Variants in THBS1 observed in about 807,000 individuals in gnomAD.
The protein encoded by THBS1 is thrombospondin-1.
THBS1 carries 29 observed loss-of-function variants against 126.1 expected under a neutral mutation model. The ratio of observed to expected loss-of-function variants is 0.23; its 90% confidence interval spans 0.17 to 0.31. THBS1 has a LOEUF of 0.31. THBS1 is among the 10% of genes least tolerant of loss of function. THBS1 has a pLI of 1.00. For missense variants in THBS1, 1,198 were observed against 1,545.2 expected, an observed-to-expected ratio of 0.78 and a Z score of 3.77; for synonymous variants, 496 against 577.8, an observed-to-expected ratio of 0.86 and a Z score of 2.03.
In THBS1 at chr15:39,589,461, G is replaced by A. The variant is rs1890284180; in HGVS notation, c.1926+107G>A. On this transcript the variant is annotated intron_variant, in intron 12 of 21. Transcript: ENST00000260356. This position sits in a 1 kb window ranked among gnomAD's most constrained non-coding sequence, Gnocchi z 4.7. ...TCATACCCTTCACCAAAAAAAAAAGGGCGAGGAGATGAATGTACGGTCTAG... is the reference window on the plus strand; with the variant it reads ...TCATACCCTTCACCAAAAAAAAAAGAGCGAGGAGATGAATGTACGGTCTAG... 7 of 1,389,782 alleles carry A rather than the reference G, an allele frequency of 5.0e-6. No individual in the cohort carries two copies. The highest frequency in any genetic ancestry group is 1.9e-6 in the Non-Finnish European group (2 of 1,034,272). The allele number at this position is 1,389,782 out of a possible 1,614,324, so 86.1% of individuals were successfully genotyped here.
At position 39,581,877 on chromosome 15, in the gene THBS1, T is replaced by C; in HGVS notation, c.20T>C (p.Leu7Pro). ...TCCACCATGGGGCTGGCCTGGGGACTAGGCGTCCTGTTCCTGATGCATGTG... is the reference window on the plus strand; with the variant it reads ...TCCACCATGGGGCTGGCCTGGGGACCAGGCGTCCTGTTCCTGATGCATGTG... MGLAWG[L>P]GVLFLMHVCG... is the part of the protein sequence containing the mutation. The change falls in exon 2 of 22, where the codon CTA becomes CCA. Residue 7 changes from leucine (L) to proline (P), a missense_variant. By Grantham distance (98) the Leu-to-Pro change is moderately conservative (BLOSUM62 -3). Transcript: ENST00000260356. 2 of 1,614,104 alleles carry C rather than the reference T, an allele frequency of 1.2e-6. No individual in the cohort carries two copies. Among genetic ancestry groups the C allele is most frequent in the Non-Finnish European group, 1.7e-6 (2 of 1,179,992 alleles).
Position 39,594,459 on chromosome 15 carries a change from T to C in THBS1, c.3505+19T>C. 2.5e-6 allele frequency: 4 copies of C among 1,612,804 alleles called. No individual in the cohort carries two copies. Among genetic ancestry groups the C allele is most frequent in the African/African-American group, 1.3e-5 (1 of 75,036 alleles). On this transcript the variant is annotated intron_variant, in intron 21 of 21. Coordinates refer to ENST00000260356, the MANE Select transcript of THBS1 (RefSeq NM_003246.4). This position sits in a 1 kb window ranked among gnomAD's most constrained non-coding sequence, Gnocchi z 4.4. ...TGTAGAGGTAAGAGCAACATCACCA[T>C]GAATGTACACTGGACATCTCTATTT...
chr15:39,597,217 T>C lies in THBS1; in HGVS notation c.*1848T>C, dbSNP rs1288615574. The C allele has an allele frequency of 1.3e-5, 2 of 151,854 alleles. No individual in the cohort carries two copies. The highest frequency in any genetic ancestry group is 3.8e-4 in the East Asian group (2 of 5,200). 9.4% of individuals were successfully genotyped at this position (151,854 alleles called of 1,614,324 possible). ...ATACTGCCTGTAGAGTTAGTATTTC[T>C]ATTTTTATATAATGTTTGCACACTG... On this transcript the variant is annotated 3_prime_UTR_variant, in exon 22 of 22. Coordinates refer to ENST00000260356, the MANE Select transcript of THBS1 (RefSeq NM_003246.4).
At chr15:39,587,897 G>A (rs1890239332) in intron 8 of THBS1, 145 bp from the exon 9 acceptor site, 3 of 744,398 alleles carry the variant, frequency 4.0e-6, no homozygotes, top group Admixed American at 5.9e-5. Flanking sequence ...ATTTGGGCAT[G>A]TGGCCAGGAG....
rs1890534540 is a variant in THBS1, at chr15:39,598,672, G to C, written c.*3303G>C. On this transcript the variant is annotated 3_prime_UTR_variant, in exon 22 of 22. Transcript: ENST00000260356. ...ATAATCAGGTTGTACTGAAATAAAG[G>C]ACTTGTTAAAAATTAAAATTATGTC... 6.6e-6 allele frequency: 1 copy of C among 152,122 alleles called. No homozygotes were observed. Among genetic ancestry groups the C allele is most frequent in the East Asian group, 1.9e-4 (1 of 5,196 alleles). 9.4% of individuals were successfully genotyped at this position (152,122 alleles called of 1,614,324 possible).
chr15:39,582,151 C>G (rs1414704610), intron 2 of THBS1, 42 bp from the exon 3 acceptor site: 4 of 1,547,304 alleles, frequency 2.6e-6, no homozygotes, highest in Non-Finnish European at 3.5e-6. Flanking sequence ...ACTGCTGGTC[C>G]CAGCCTAGAA....
rs778612797 is a variant in THBS1, at chr15:39,593,191, G to A, written c.2959G>A (p.Val987Ile). Residue 987 changes from valine (V) to isoleucine (I), a missense_variant, in exon 18 of 22, where the codon GTC becomes ATC. This residue lies in a region of THBS1 where 255 missense variants were observed against 373.9 expected (regional missense o/e 0.68). Coordinates refer to ENST00000260356, the MANE Select transcript of THBS1 (RefSeq NM_003246.4). This position sits in a 1 kb window ranked among gnomAD's most constrained non-coding sequence, Gnocchi z 5.9. ...WVVRHQGKEL[V>I]QTVNCDPGLA... ...TGTACGCCATCAGGGTAAAGAACTCGTCCAGACTGTCAACTGTGATCCTGG... is the reference window on the plus strand; with the variant it reads ...TGTACGCCATCAGGGTAAAGAACTCATCCAGACTGTCAACTGTGATCCTGG... 55 of 1,613,662 alleles carry A rather than the reference G, an allele frequency of 3.4e-5. No individual in the cohort carries two copies. The highest frequency in any genetic ancestry group is 1.6e-4 in the East Asian group (7 of 44,874).
chr15:39,582,982 C>T lies in THBS1; in HGVS notation c.627+230C>T, dbSNP rs143501591. Among the ~76,000 whole-genome samples, 52 of 152,278 alleles carry T rather than the reference C, an allele frequency of 3.4e-4. No individual in the cohort carries two copies. The East Asian group carries it at 8.1e-3, about 24-fold the overall frequency. ...AACAAGTACCAGGTGATGCTGATGC[C>T]GGTGGTCTGGGAAGCACACTTTGAA... On this transcript the variant is annotated intron_variant, in intron 3 of 21. Transcript: ENST00000260356.
rs759892769 is a variant in THBS1 at position 39,594,305 on chromosome 15, G to C, written c.3370G>C (p.Val1124Leu). 5.6e-6 allele frequency: 9 copies of C among 1,614,042 alleles called. No homozygotes were observed. Among genetic ancestry groups the C allele is most frequent in the Non-Finnish European group, 7.6e-6 (9 of 1,180,034 alleles). Residue 1124 changes from valine (V) to leucine (L), a missense_variant, in exon 21 of 22, where the codon GTG (valine) becomes CTG (leucine). Transcript: ENST00000260356. This position sits in a 1 kb window ranked among gnomAD's most constrained non-coding sequence, Gnocchi z 4.4. ...HRPKTGFIRV[V>L]MYEGKKIMAD... ...CAAGATTTTTTTTCCCTGCAGAGTG[G>C]TGATGTATGAAGGGAAGAAAATCAT... is the stretch of plus-strand genomic sequence containing the variant.
At chr15:39,590,685 G>A in intron 14 of THBS1, 62 bp downstream of exon 14, 1 of 1,387,012 alleles carries the variant, frequency 7.2e-7, no homozygotes, top group Non-Finnish European at 1.0e-6. Flanking sequence ...GAAACACTTT[G>A]GGATTCAAGG....
Position 39,597,797 on chromosome 15 carries a change from A to G in THBS1, c.*2428A>G, listed in dbSNP as rs1471975966. The G allele has an allele frequency of 3.9e-5, 6 of 152,232 alleles. No homozygotes were observed. The highest frequency in any genetic ancestry group is 8.8e-5 in the Non-Finnish European group (6 of 68,040). 9.4% of individuals were successfully genotyped at this position (152,232 alleles called of 1,614,324 possible). A position where few individuals can be genotyped will look rare whatever the true frequency, so the allele number is the denominator to read the frequency against. ...TGTCATTGAATCCTTTTCAAAGTGC[A>G]GTATGAAAACAAAGGGAAAAACACT... On this transcript the variant is annotated 3_prime_UTR_variant, in exon 22 of 22. Transcript: ENST00000260356.
In THBS1 at chr15:39,592,701, G is replaced by A; in HGVS notation, c.2666G>A (p.Gly889Asp). ...NANQADHDKD[G>D]KGDACDHDDD... The stretch of plus-strand genomic sequence containing the variant: ...AACCAGGCTGACCATGACAAAGATG[G>A]CAAGGGAGATGCCTGTGACCACGAT... The change falls in exon 17 of 22, where the codon GGC (glycine) becomes GAC (aspartate). Residue 889 changes from glycine to aspartate, a missense_variant. Physicochemically the swap from Gly to Asp is moderately conservative, Grantham distance 94 (BLOSUM62 -1). This residue lies in a region of THBS1 where 255 missense variants were observed against 373.9 expected (regional missense o/e 0.68). Coordinates refer to ENST00000260356, the MANE Select transcript of THBS1 (RefSeq NM_003246.4). The surrounding 1 kb of genome is among the most constrained non-coding windows in gnomAD (Gnocchi z 4.3). 6.2e-7 allele frequency: 1 copy of A among 1,614,192 alleles called. No homozygotes were observed. Among genetic ancestry groups the A allele is most frequent in the African/African-American group, 1.3e-5 (1 of 75,040 alleles).
Position 39,590,526 on chromosome 15 carries a change from C to A in THBS1, c.2156C>A (p.Pro719His), listed in dbSNP as rs564549403. ...TCTTCTCTTTCCTAGGATAATTGCC[C>A]CAACCTTCCCAACTCAGGGCAGGAA... ...ATYHCKKDNC[P>H]NLPNSGQEDY... is the part of the protein sequence containing the mutation. Residue 719 changes from proline to histidine, a missense_variant, in exon 14 of 22, where the codon CCC becomes CAC. By Grantham distance (77) the Pro-to-His change is moderately conservative. This residue lies in a region of THBS1 where 663 missense variants were observed against 860.1 expected (regional missense o/e 0.77). Transcript: ENST00000260356. 1 of 1,613,164 alleles carries A rather than the reference C, an allele frequency of 6.2e-7. No homozygotes were observed. Among genetic ancestry groups the A allele is most frequent in the African/African-American group, 1.3e-5 (1 of 74,982 alleles).
At chr15:39,586,334 T>G (rs1333604811) in intron 7 of THBS1, among the ~76,000 whole-genome samples, 1 of 152,226 alleles carries the variant, frequency 6.6e-6, no homozygotes, top group African/African-American at 2.4e-5. Flanking sequence ...TTTTTACATT[T>G]ATTTTCTGTT....
rs761585370 is a variant in THBS1, at chr15:39,583,589, A to G, written c.628-28A>G. 15 of 1,596,364 alleles carry G rather than the reference A, an allele frequency of 9.4e-6. No homozygotes were observed. The South Asian group carries it at 1.3e-4, about 14-fold the overall frequency. On this transcript the variant is annotated intron_variant, in intron 3 of 21. Coordinates refer to ENST00000260356, the MANE Select transcript of THBS1 (RefSeq NM_003246.4). The stretch of plus-strand genomic sequence containing the variant: ...CCATCCCCACCCCGCTCTGCATTCT[A>G]CAAGTAATGTGTGTCCTCTGCCCAC...
Position 39,583,649 on chromosome 15 carries a change from A to G in THBS1, c.660A>G (p.Gly220=). The G allele has an allele frequency of 6.3e-7, 1 of 1,577,076 alleles. No homozygotes were observed. Among genetic ancestry groups the G allele is most frequent in the Non-Finnish European group, 8.6e-7 (1 of 1,157,752 alleles). Residue 220 remains glycine, a synonymous_variant, in exon 4 of 22, where the codon GGA becomes GGG. Transcript: ENST00000260356. ...GVLQNVRFVF[G]TTPEDILRNK... ...TGCAGAATGTGAGGTTTGTCTTTGGAACCACACCAGAAGACATCCTCAGGA... is the reference window on the plus strand; with the variant it reads ...TGCAGAATGTGAGGTTTGTCTTTGGGACCACACCAGAAGACATCCTCAGGA...
chr15:39,590,826 A>G, intron 14 of THBS1: 1 of 576,280 alleles, frequency 1.7e-6, no homozygotes, highest in Non-Finnish European at 3.0e-6. Flanking sequence ...TTTGTTTTTC[A>G]TCAGAACTGT....
chr15:39,585,583 T>C lies in THBS1; in HGVS notation c.1120+20T>C. The stretch of plus-strand genomic sequence containing the variant: ...GTTGGCGTAAGTTTCTCAAATGGCA[T>C]AGCTATTCTTCAGTGACTAGGTCAG... On this transcript the variant is annotated intron_variant, in intron 7 of 21. Transcript: ENST00000260356. 1 of 1,609,764 alleles carries C rather than the reference T, an allele frequency of 6.2e-7. No homozygotes were observed. The highest frequency in any genetic ancestry group is 8.5e-7 in the Non-Finnish European group (1 of 1,177,146).
chr15:39,593,127 G>A lies in THBS1; in HGVS notation c.2895G>A (p.Leu965=), dbSNP rs747390845. The change falls in exon 18 of 22, where the codon CTG becomes CTA. Residue 965 remains leucine, a synonymous_variant. Transcript: ENST00000260356. The surrounding 1 kb of genome is among the most constrained non-coding windows in gnomAD (Gnocchi z 5.9). ...TDFRRFQMIP[L]DPKGTSQNDP... is the part of the protein sequence containing the mutation. ...TCCGCCGATTCCAGATGATTCCTCT[G>A]GACCCCAAAGGGACATCCCAAAATG... The A allele has an allele frequency of 3.7e-6, 6 of 1,600,326 alleles. No homozygotes were observed. The highest frequency in any genetic ancestry group is 5.1e-6 in the Non-Finnish European group (6 of 1,174,020).
Sources: allele counts gnomAD v4.1 joint callset (sites outside exome capture counted in the v4.1 genomes callset), GRCh38; gene constraint gnomAD v4.1.1; regional missense constraint gnomAD v4.1.1; non-coding constraint Gnocchi (gnomAD v3.1); transcripts MANE v1.5; gene names NCBI Gene and HGNC (gene_info 2026-07-23, HGNC 2026-07-21).